The following CALN1 variants were observed in gnomAD, a reference collection of about 807,000 sequenced individuals.
CALN1 encodes the protein calcium-binding protein 8.
A neutral mutation model predicts 30.6 loss-of-function variants in CALN1; 17 were observed. The observed-to-expected ratio is 0.56, with a 90% CI of 0.38 to 0.83. CALN1 has a LOEUF of 0.83. CALN1 is among the 40% of genes least tolerant of loss of function. The pLI, the probability that CALN1 is intolerant of heterozygous loss-of-function variation, is 0.00. For synonymous variants in CALN1, 156 were observed against 131.4 expected (o/e 1.19, Z -1.28); for missense variants, 291 against 354.9 (o/e 0.82, Z 1.45).
chr7:72,496,492 G>A, the CALN1 span, among the ~76,000 whole-genome samples: 1 of 152,098 alleles, frequency 6.6e-6, no homozygotes, highest in Non-Finnish European at 1.5e-5. Flanking sequence ...TATAAGCCTT[G>A]GAAAAATGGA....
chr7:71,963,237 A>G (rs1290471851), intron 5 of CALN1, among the ~76,000 whole-genome samples: 1 of 152,150 alleles, frequency 6.6e-6, no homozygotes, highest in Non-Finnish European at 1.5e-5. Flanking sequence ...ATCTCGGCTC[A>G]CTGCAACCTC....
the CALN1 span, among the ~76,000 whole-genome samples, chr7:72,503,134 A>G: frequency 1.2e-3 from 185 of 152,236 alleles, 5 homozygotes; most frequent in East Asian, 0.034. Context: ...CGACAGAGTG[A>G]GACAGCATCT....
In CALN1 at chr7:72,181,124, A is replaced by AAT. The variant is rs1554308691; in HGVS notation, c.245-74831_245-74830insAT. Among the ~76,000 whole-genome samples, 136 of 119,510 alleles carry AAT rather than the reference A, an allele frequency of 1.1e-3. 10 individuals carry two copies. The highest frequency in any genetic ancestry group is 3.3e-3 in the South Asian group (11 of 3,308). The allele number at this position is 119,510 out of a possible 152,430, so 78.4% of individuals were successfully genotyped here. On this transcript the variant is annotated intron_variant, in intron 3 of 6. Transcript: ENST00000395275. ...CCCCCCCCCCCCAAAAAAAAAAAAA[A>AAT]TTTTTGGTACCCTATAAGCTTTTAC...
intron 3 of CALN1, among the ~76,000 whole-genome samples, chr7:72,168,335 T>C (rs971478586): frequency 6.6e-6 from 1 of 151,948 alleles, no homozygotes; most frequent in African/African-American, 2.4e-5. Context: ...GAATCAAAGG[T>C]TGATTATTTG....
chr7:72,409,292 C>T (rs542202567), intron 1 of CALN1, among the ~76,000 whole-genome samples: 3 of 152,028 alleles, frequency 2.0e-5, no homozygotes, highest in South Asian at 2.1e-4. Context: ...CTGCACCTGG[C>T]CCAGCATACT....
chr7:71,797,256 T>TG (rs1786984146), intron 6 of CALN1, among the ~76,000 whole-genome samples: 1 of 152,134 alleles, frequency 6.6e-6, no homozygotes, highest in Non-Finnish European at 1.5e-5. Flanking sequence ...GGCAGGGAGC[T>TG]GGGGGTGCAG....
At chr7:72,501,078 C>T in the CALN1 span, among the ~76,000 whole-genome samples, 4 of 152,078 alleles carry the variant, frequency 2.6e-5, no homozygotes, top group Non-Finnish European at 2.9e-5. Flanking sequence ...TGTCTCTCCT[C>T]TCTTCCCATA....
At chr7:71,945,681 C>CA (rs1483945931) in intron 5 of CALN1, among the ~76,000 whole-genome samples, 1 of 152,194 alleles carries the variant, frequency 6.6e-6, no homozygotes, top group Non-Finnish European at 1.5e-5. Context: ...GATGATCTGT[C>CA]ACTGTCTCCC....
intron 2 of CALN1, among the ~76,000 whole-genome samples, chr7:72,358,021 T>A (rs1267063712): frequency 6.6e-6 from 1 of 151,538 alleles, no homozygotes; most frequent in African/African-American, 2.4e-5. Context: ...AGAGGCAGAA[T>A]CTCACTGTCT....
chr7:71,838,452 G>A (rs1021269841), intron 5 of CALN1, among the ~76,000 whole-genome samples: 1 of 152,066 alleles, frequency 6.6e-6, no homozygotes, highest in East Asian at 1.9e-4. Flanking sequence ...ATAGAGACAG[G>A]GTCTTGGTCT....
chr7:72,425,532 G>A (rs1220260456), intron 1 of CALN1, among the ~76,000 whole-genome samples: 1 of 152,164 alleles, frequency 6.6e-6, no homozygotes, highest in African/African-American at 2.4e-5. Context: ...GTCCATCCAC[G>A]ACTGTGAATT....
At chr7:72,442,531 T>C (rs1808381792) in intron 1 of CALN1, among the ~76,000 whole-genome samples, 2 of 148,728 alleles carry the variant, frequency 1.3e-5, no homozygotes, top group East Asian at 3.9e-4. Context: ...TTATGTAGGG[T>C]TGCGCTTATT....
At chr7:72,403,065 T>C (rs923933079) in intron 2 of CALN1, among the ~76,000 whole-genome samples, 186 bp downstream of exon 2, 3 of 152,092 alleles carry the variant, frequency 2.0e-5, no homozygotes, top group South Asian at 2.1e-4. Context: ...ACATCTCAAA[T>C]AGGCTCAAGA....
At chr7:72,426,280 C>T (rs1372607597) in intron 1 of CALN1, among the ~76,000 whole-genome samples, 1 of 152,168 alleles carries the variant, frequency 6.6e-6, no homozygotes, top group African/African-American at 2.4e-5. Flanking sequence ...CTCTGTGTCT[C>T]CATCCAAATC....
chr7:71,828,239 C>A (rs1789046138), intron 5 of CALN1, among the ~76,000 whole-genome samples: 1 of 152,032 alleles, frequency 6.6e-6, no homozygotes, highest in African/African-American at 2.4e-5. Flanking sequence ...CTTGATCTGA[C>A]CCGCTGGAGT....
intron 3 of CALN1, among the ~76,000 whole-genome samples, chr7:72,186,491 T>C (rs960810712): frequency 1.6e-4 from 24 of 152,144 alleles, no homozygotes; most frequent in Non-Finnish European, 2.8e-4. Flanking sequence ...CATCGCATGA[T>C]GCTGAGATTT....
At chr7:71,823,603 A>G (rs779292431) in intron 5 of CALN1, among the ~76,000 whole-genome samples, 38 of 152,072 alleles carry the variant, frequency 2.5e-4, no homozygotes, top group Non-Finnish European at 4.3e-4. Flanking sequence ...CTGTAGTCCC[A>G]CCTACTTGGG....
chr7:72,054,502 T>C (rs13307505), intron 4 of CALN1, among the ~76,000 whole-genome samples: 27,972 of 131,460 alleles, frequency 0.21, 4,903 homozygotes, highest in East Asian at 0.62. Context: ...CATATATACA[T>C]ATATATACAT....
intron 5 of CALN1, among the ~76,000 whole-genome samples, chr7:71,932,815 C>CA (rs5884864): frequency 0.043 from 3,574 of 82,538 alleles, 177 homozygotes; most frequent in East Asian, 0.18. Flanking sequence ...TACTCCATCT[C>CA]AAAAAAAAAA....
Sources: gnomAD v4.1 joint callset for allele counts (sites outside exome capture counted in the v4.1 genomes callset) on GRCh38, gnomAD v4.1.1 for gene constraint, MANE v1.5 for transcripts, NCBI Gene and HGNC (gene_info 2026-07-23, HGNC 2026-07-21) for gene names.